FAM161B: variants seen among roughly 807,000 people sequenced by gnomAD.
The protein encoded by FAM161B is protein FAM161B.
In FAM161B, 46 loss-of-function variants were observed where a neutral mutation model predicts 61.5. The observed-to-expected ratio is 0.75, with a 90% confidence interval of 0.59 to 0.96. FAM161B has a LOEUF of 0.96. Among genes scored for constraint, FAM161B ranks in the 40% least tolerant of loss-of-function variants. The pLI, the probability that FAM161B is intolerant of heterozygous loss-of-function variation, is 0.00. For synonymous variants in FAM161B, 284 were observed against 302.7 expected (o/e 0.94, Z 0.64); for missense variants, 774 against 800.7 (o/e 0.97, Z 0.40).
At chr14:73,948,611 A>G (rs949027499) in intron 1 of FAM161B, among the ~76,000 whole-genome samples, 1 of 152,190 alleles carries the variant, frequency 6.6e-6, no homozygotes, top group African/African-American at 2.4e-5. Flanking sequence ...CATAATTTCT[A>G]TACAATATAT....
chr14:73,930,214 ATTC>A (rs1389280654), downstream of FAM161B, among the ~76,000 whole-genome samples: 8 of 152,210 alleles, frequency 5.3e-5, no homozygotes, highest in Non-Finnish European at 1.2e-4. Flanking sequence ...AAAACACACT[ATTC>A]TTAACTTTCC....
chr14:73,935,504 G>A (rs1460616407), intron 8 of FAM161B, among the ~76,000 whole-genome samples: 1 of 150,714 alleles, frequency 6.6e-6, no homozygotes, highest in East Asian at 1.9e-4. Context: ...ACTCCAGCCT[G>A]GGCAACAGAG....
In FAM161B at chr14:73,942,465, G is replaced by A. The variant is rs201226787; in HGVS notation, c.1176C>T (p.Thr392=). 1.9e-6 allele frequency: 3 copies of A among 1,614,050 alleles called. No homozygotes were observed. The highest frequency in any genetic ancestry group is 2.5e-6 in the Non-Finnish European group (3 of 1,180,034). The change falls in exon 4 of 9, where the codon ACC becomes ACT. Residue 392 remains threonine, a synonymous_variant. Coordinates refer to ENST00000286544, the MANE Select transcript of FAM161B (RefSeq NM_152445.3). ...AGGGCTTGTTGCGAGTGGCCTCTTG[G>A]GTTTCTCTTCTTTTGGCTGCTCTTC... The part of the protein sequence containing the change: ...FQRRAAKRRE[T]QEATRNKPFL...
chr14:73,942,672 C>G lies in FAM161B; in HGVS notation c.969G>C (p.Leu323=), dbSNP rs1374065753. The part of the protein sequence containing the change: ...FRKIRIQMRA[L]DMLQMASSPI... ...GGGAAGAGGCCATCTGGAGCATGTC[C>G]AGGGCTCTCATTTGGATGCGAATTT... The change falls in exon 4 of 9, where the codon CTG becomes CTC. Residue 323 remains leucine, a synonymous_variant. Coordinates refer to ENST00000286544, the MANE Select transcript of FAM161B (RefSeq NM_152445.3). 7.4e-6 allele frequency: 12 copies of G among 1,613,942 alleles called. No homozygotes were observed. The highest frequency in any genetic ancestry group is 1.7e-5 in the Admixed American group (1 of 59,980).
chr14:73,944,945 C>T (rs2056054260), intron 2 of FAM161B, 60 bp from the exon 3 acceptor site: 8 of 1,378,482 alleles, frequency 5.8e-6, no homozygotes, highest in Non-Finnish European at 7.6e-6. Flanking sequence ...CTGCTCCCTC[C>T]AGACCTCCTC....
In FAM161B at chr14:73,949,975, G is replaced by A. The variant is rs145276174; in HGVS notation, c.52C>T (p.Gln18Ter). 2.5e-6 allele frequency: 4 copies of A among 1,613,456 alleles called. No individual in the cohort carries two copies. The African/African-American group carries it at 4.0e-5, about 16-fold the overall frequency. The change falls in exon 1 of 9, where the codon CAG (glutamine) becomes TAG (stop). Residue 18 changes from glutamine (Q) to a stop codon, truncating the protein, a stop_gained and splice_region_variant. Coordinates refer to ENST00000286544, the MANE Select transcript of FAM161B (RefSeq NM_152445.3). LOFTEE classifies it high-confidence loss of function. ...GGCAGTCTCTTTTCTCTCCTCACCTGACGGCTCCCCTCCGCGCCTCCGGGG... is the reference window on the plus strand; with the variant it reads ...GGCAGTCTCTTTTCTCTCCTCACCTAACGGCTCCCCTCCGCGCCTCCGGGG... ...GAPGGAEGSR[Q>*]IFPPESFADT...
chr14:73,947,678 C>A (rs911771614), intron 1 of FAM161B, among the ~76,000 whole-genome samples: 2 of 152,024 alleles, frequency 1.3e-5, no homozygotes, highest in African/African-American at 4.8e-5. Flanking sequence ...AGATGGAGTG[C>A]CTATGGAAAG....
chr14:73,930,336 T>C, downstream of FAM161B, among the ~76,000 whole-genome samples: 1 of 152,118 alleles, frequency 6.6e-6, no homozygotes, highest in East Asian at 1.9e-4. Context: ...TAAAAAAAAG[T>C]TTTTTTGGTG....
At chr14:73,937,777 G>A in intron 6 of FAM161B, 76 bp from the exon 7 acceptor site, 2 of 1,564,544 alleles carry the variant, frequency 1.3e-6, no homozygotes, top group Non-Finnish European at 1.8e-6. Flanking sequence ...GTAAAGCAGT[G>A]TAACTCTCGT....
chr14:73,945,603 A>T (rs967388184), intron 2 of FAM161B, among the ~76,000 whole-genome samples: 1 of 151,378 alleles, frequency 6.6e-6, no homozygotes, highest in African/African-American at 2.4e-5. Context: ...TAATTTTTTT[A>T]TATTTTTAGT....
intron 7 of FAM161B, 46 bp downstream of exon 7, chr14:73,937,556 C>A (rs1221898093): frequency 6.5e-7 from 1 of 1,548,114 alleles, no homozygotes; most frequent in South Asian, 1.2e-5. Context: ...TTTTCAGAGT[C>A]CTTTTATCTA....
At chr14:73,946,193 T>C in intron 2 of FAM161B, 93 bp downstream of exon 2, 1 of 1,334,232 alleles carries the variant, frequency 7.5e-7, no homozygotes, top group South Asian at 1.4e-5. Context: ...GCAGAAGTGC[T>C]CTTTGCTTTA....
At chr14:73,923,963 T>C in the FAM161B span, among the ~76,000 whole-genome samples, 1 of 152,138 alleles carries the variant, frequency 6.6e-6, no homozygotes, top group Admixed American at 6.6e-5. Flanking sequence ...CCCTTTCTTT[T>C]CTCCAGAAAT....
chr14:73,927,697 T>G (rs1259872515), downstream of FAM161B, among the ~76,000 whole-genome samples: 2 of 152,078 alleles, frequency 1.3e-5, no homozygotes, highest in Non-Finnish European at 2.9e-5. Flanking sequence ...AGTTATACAA[T>G]AGTAAACAAA....
In FAM161B at chr14:73,932,532, T is replaced by G; in HGVS notation, c.*1724A>C. The stretch of plus-strand genomic sequence containing the variant: ...TTCTGAATTTTTCCACAAAGATAGT[T>G]TTTTTAAAAAAGCTTGAGAAAGGTG... On this transcript the variant is annotated 3_prime_UTR_variant, in exon 9 of 9. Transcript: ENST00000286544. 1 of 442,844 alleles carries G rather than the reference T, an allele frequency of 2.3e-6. No homozygotes were observed. Among genetic ancestry groups the G allele is most frequent in the South Asian group, 1.6e-5 (1 of 61,582 alleles). 27.4% of individuals were successfully genotyped at this position (442,844 alleles called of 1,614,324 possible). A position where few individuals can be genotyped will look rare whatever the true frequency, so the allele number is the denominator to read the frequency against.
chr14:73,935,642 A>G (rs577912602), intron 8 of FAM161B, among the ~76,000 whole-genome samples: 1 of 152,344 alleles, frequency 6.6e-6, no homozygotes, highest in South Asian at 2.1e-4. Context: ...AAGTCAAAAT[A>G]TACATGATTT....
At chr14:73,949,779 T>C (rs921999057) in intron 1 of FAM161B, 194 bp downstream of exon 1, 8 of 694,698 alleles carry the variant, frequency 1.2e-5, no homozygotes, top group South Asian at 3.8e-5. Flanking sequence ...CTGAGTGACA[T>C]TGCCTATCAA....
Position 73,934,240 on chromosome 14 carries a change from A to C in FAM161B, c.*16T>G. 5.0e-6 allele frequency: 8 copies of C among 1,598,746 alleles called. No individual in the cohort carries two copies. The highest frequency in any genetic ancestry group is 6.8e-6 in the Non-Finnish European group (8 of 1,176,100). ...TGCTTAATATTTTTCAAAAGCAGTA[A>C]TTTTAAGTGTAGTGATTAAGCAAGT... On this transcript the variant is annotated 3_prime_UTR_variant, in exon 9 of 9. Coordinates refer to ENST00000286544, the MANE Select transcript of FAM161B (RefSeq NM_152445.3).
At chr14:73,940,861 C>T in intron 5 of FAM161B, 65 bp downstream of exon 5, 1 of 1,544,106 alleles carries the variant, frequency 6.5e-7, no homozygotes, top group East Asian at 2.3e-5. Context: ...GGCCCCTTGG[C>T]AGGGAGGTTT....
Sources: allele counts gnomAD v4.1 joint callset (sites outside exome capture counted in the v4.1 genomes callset), GRCh38; gene constraint gnomAD v4.1.1; transcripts MANE v1.5; gene names NCBI Gene and HGNC (gene_info 2026-07-23, HGNC 2026-07-21).